The following CACNB2 variants were observed in gnomAD, a reference collection of about 807,000 sequenced individuals.
The protein encoded by CACNB2 is voltage-dependent L-type calcium channel subunit beta-2.
Under a neutral mutation model 73.3 loss-of-function variants are expected in CACNB2, and 42 were observed. That is an observed-to-expected ratio of 0.57 (90% CI 0.45 to 0.74). The LOEUF (loss-of-function observed/expected upper bound fraction) is 0.74. CACNB2 is among the 30% of genes least tolerant of loss of function. The pLI, the probability that CACNB2 is intolerant of heterozygous loss-of-function variation, is 0.00. For synonymous variants in CACNB2, 348 were observed against 310.3 expected, an observed-to-expected ratio of 1.12 and a Z score of -1.28; for missense variants, 940 against 853.0, an observed-to-expected ratio of 1.10 and a Z score of -1.27.
intron 3 of CACNB2, among the ~76,000 whole-genome samples, chr10:18,475,254 T>C (rs1372431798): frequency 1.3e-5 from 2 of 151,994 alleles, no homozygotes; most frequent in African/African-American, 2.4e-5. Flanking sequence ...TTAGGCACCA[T>C]TGACTAAATC....
At chr10:18,305,167 T>A (rs1459974279) in intron 2 of CACNB2, among the ~76,000 whole-genome samples, 2 of 152,244 alleles carry the variant, frequency 1.3e-5, no homozygotes, top group African/African-American at 4.8e-5. Flanking sequence ...AAGGAAAGCC[T>A]TTGGGTTACA....
At chr10:18,258,386 A>G (rs1020034171) in intron 2 of CACNB2, among the ~76,000 whole-genome samples, 10 of 152,152 alleles carry the variant, frequency 6.6e-5, no homozygotes, top group African/African-American at 2.4e-4. Flanking sequence ...TTCTTTATTC[A>G]GTTATTCTAG....
intron 2 of CACNB2, among the ~76,000 whole-genome samples, chr10:18,229,878 C>T (rs1000012554): frequency 1.3e-5 from 2 of 152,140 alleles, no homozygotes; most frequent in African/African-American, 4.8e-5. Flanking sequence ...TATGGCATTA[C>T]TCCTACCATT....
chr10:18,385,956 G>A (rs925011249), intron 2 of CACNB2, among the ~76,000 whole-genome samples: 10 of 151,964 alleles, frequency 6.6e-5, no homozygotes, highest in African/African-American at 2.4e-4. Context: ...ATATCCTTAT[G>A]TACACATTTG....
chr10:18,294,605 G>A (rs2039200961), intron 2 of CACNB2, among the ~76,000 whole-genome samples: 1 of 152,256 alleles, frequency 6.6e-6, no homozygotes, highest in Admixed American at 6.5e-5. Context: ...AGGTGGTGTT[G>A]CCAATTGGTT....
chr10:18,330,263 ACATAT>A (rs760094179), intron 2 of CACNB2, among the ~76,000 whole-genome samples: 3 of 152,234 alleles, frequency 2.0e-5, no homozygotes, highest in Non-Finnish European at 2.9e-5. Flanking sequence ...CACATTAGTC[ACATAT>A]CATGCATATG....
At chr10:18,148,957 A>T (rs1225720129) in intron 1 of CACNB2, among the ~76,000 whole-genome samples, 2 of 150,606 alleles carry the variant, frequency 1.3e-5, no homozygotes, top group East Asian at 3.9e-4. Context: ...GTGAGCCATG[A>T]TCATATCACT....
intron 2 of CACNB2, among the ~76,000 whole-genome samples, chr10:18,349,760 G>A (rs918087135): frequency 6.6e-6 from 1 of 151,946 alleles, no homozygotes; most frequent in Non-Finnish European, 1.5e-5. Flanking sequence ...ACAGAAGATG[G>A]TGATGGCTAC....
chr10:18,287,078 C>T (rs546376285), intron 2 of CACNB2, among the ~76,000 whole-genome samples: 6 of 152,228 alleles, frequency 3.9e-5, no homozygotes, highest in South Asian at 2.1e-4. Context: ...CCTGTAATCC[C>T]AGCACTTTGG....
chr10:18,514,234 A>G lies in CACNB2; in HGVS notation c.671-2A>G. Reference sequence around the variant, plus strand: ...CCTGATTTTTGAATTGTCTGTATATAGCTATAGACATAGATGCTACTGGCT... The same window carrying G: ...CCTGATTTTTGAATTGTCTGTATATGGCTATAGACATAGATGCTACTGGCT... On this transcript the variant is annotated splice_acceptor_variant, in intron 6 of 13. Transcript: ENST00000324631. LOFTEE classifies it high-confidence loss of function. 1 of 1,614,000 alleles carries G rather than the reference A, an allele frequency of 6.2e-7. No homozygotes were observed. Among genetic ancestry groups the G allele is most frequent in the Middle Eastern group, 1.6e-4 (1 of 6,062 alleles).
chr10:18,515,767 C>G (rs747626734), intron 7 of CACNB2, among the ~76,000 whole-genome samples: 1 of 152,198 alleles, frequency 6.6e-6, no homozygotes, highest in Middle Eastern at 3.2e-3. Flanking sequence ...GTCTATCATT[C>G]AGAAGCTTAG....
At chr10:18,360,287 C>A (rs746830951) in intron 2 of CACNB2, among the ~76,000 whole-genome samples, 1 of 152,140 alleles carries the variant, frequency 6.6e-6, no homozygotes, top group Non-Finnish European at 1.5e-5. Flanking sequence ...TGCAGTAGAG[C>A]AATAATTACA....
intron 2 of CACNB2, among the ~76,000 whole-genome samples, chr10:18,236,376 G>T (rs929123833): frequency 7.2e-5 from 11 of 152,246 alleles, no homozygotes; most frequent in Non-Finnish European, 1.3e-4. Context: ...GGACATCTCT[G>T]TATTGATGGG....
At chr10:18,150,020 C>A (rs577228503) in intron 1 of CACNB2, among the ~76,000 whole-genome samples, 1 of 152,134 alleles carries the variant, frequency 6.6e-6, no homozygotes, top group South Asian at 2.1e-4. Flanking sequence ...GGATTCTAAC[C>A]TGTGTGCTAC....
chr10:18,229,874 A>G (rs903131728), intron 2 of CACNB2, among the ~76,000 whole-genome samples: 1 of 152,214 alleles, frequency 6.6e-6, no homozygotes, highest in African/African-American at 2.4e-5. Flanking sequence ...TACATATGGC[A>G]TTACTCCTAC....
chr10:18,510,585 G>A (rs908643306), intron 6 of CACNB2, among the ~76,000 whole-genome samples: 1 of 152,182 alleles, frequency 6.6e-6, no homozygotes. Flanking sequence ...TTACAGGCAT[G>A]AGCCACCATG....
At chr10:18,366,310 A>G (rs1368797524) in intron 2 of CACNB2, among the ~76,000 whole-genome samples, 1 of 151,378 alleles carries the variant, frequency 6.6e-6, no homozygotes, top group Non-Finnish European at 1.5e-5. Context: ...CTAAAAATAC[A>G]AAAAATTAGC....
At chr10:18,265,380 C>G (rs2037749662) in intron 2 of CACNB2, among the ~76,000 whole-genome samples, 3 of 152,094 alleles carry the variant, frequency 2.0e-5, no homozygotes, top group African/African-American at 7.2e-5. Flanking sequence ...ATCCGCCCAC[C>G]TCAGCTTCCC....
intron 2 of CACNB2, among the ~76,000 whole-genome samples, chr10:18,237,451 C>T (rs1047738996): frequency 2.0e-5 from 3 of 152,134 alleles, no homozygotes; most frequent in Non-Finnish European, 4.4e-5. Flanking sequence ...CAAGGAATGT[C>T]AAGGACTGCT....
Sources: allele counts gnomAD v4.1 joint callset (sites outside exome capture counted in the v4.1 genomes callset), GRCh38; gene constraint gnomAD v4.1.1; transcripts MANE v1.5; gene names NCBI Gene and HGNC (gene_info 2026-07-23, HGNC 2026-07-21).